RMDN2: variants seen among roughly 807,000 people sequenced by gnomAD.
RMDN2 encodes regulator of microtubule dynamics protein 2.
A neutral mutation model predicts 52.8 loss-of-function variants in RMDN2; 61 were observed. That is an observed-to-expected ratio of 1.16 (90% confidence interval 0.94 to 1.43). The LOEUF (loss-of-function observed/expected upper bound fraction) is 1.43. RMDN2 is among the 40% of genes most tolerant of loss of function. The pLI is 0.00. For missense variants in RMDN2, 592 were observed against 475.3 expected (o/e 1.25, Z -2.28); for synonymous variants, 180 against 153.1 (o/e 1.18, Z -1.30).
intron 1 of RMDN2, among the ~76,000 whole-genome samples, chr2:37,927,957 G>T: frequency 6.6e-6 from 1 of 152,104 alleles, no homozygotes; most frequent in South Asian, 2.1e-4. Context: ...TACCAATTAG[G>T]TGAAAAAAAA....
intron 10 of RMDN2, among the ~76,000 whole-genome samples, chr2:38,060,924 A>T (rs550718669): frequency 1.5e-3 from 234 of 152,316 alleles, no homozygotes; most frequent in African/African-American, 5.4e-3. Flanking sequence ...ATCTTTTTCA[A>T]TCAGATATAA....
At chr2:38,000,411 T>A (rs532174701) in intron 8 of RMDN2, among the ~76,000 whole-genome samples, 1 of 152,240 alleles carries the variant, frequency 6.6e-6, no homozygotes, top group South Asian at 2.1e-4. Flanking sequence ...GACAAACTTA[T>A]ATACCTATGT....
chr2:37,952,104 C>T (rs762682722), intron 2 of RMDN2: 1 of 1,613,160 alleles, frequency 6.2e-7, no homozygotes, highest in Non-Finnish European at 8.5e-7. Flanking sequence ...TATCCCACCT[C>T]AAAGCGAATT....
At chr2:37,959,767 G>C (rs1487426163) in intron 2 of RMDN2, among the ~76,000 whole-genome samples, 1 of 150,826 alleles carries the variant, frequency 6.6e-6, no homozygotes, top group Non-Finnish European at 1.5e-5. Flanking sequence ...GATCTTTTCT[G>C]CTTTCTCCTG....
At chr2:37,996,470 AACT>A (rs1340689477) in intron 7 of RMDN2, among the ~76,000 whole-genome samples, 2 of 151,976 alleles carry the variant, frequency 1.3e-5, no homozygotes, top group African/African-American at 4.8e-5. Context: ...CTGTAGTTCC[AACT>A]GTTCAGGAGG....
intron 5 of RMDN2, among the ~76,000 whole-genome samples, chr2:37,981,843 C>T (rs1673361428): frequency 6.6e-6 from 1 of 151,808 alleles, no homozygotes; most frequent in Non-Finnish European, 1.5e-5. Context: ...AAAAATCATT[C>T]TTAATTGTGT....
At chr2:38,011,816 G>C (rs946092636) in intron 10 of RMDN2, among the ~76,000 whole-genome samples, 1 of 152,174 alleles carries the variant, frequency 6.6e-6, no homozygotes, top group African/African-American at 2.4e-5. Flanking sequence ...ACAAAAGTGA[G>C]AGAGCAAAGC....
intron 2 of RMDN2, among the ~76,000 whole-genome samples, chr2:37,968,766 G>A (rs1173917768): frequency 2.6e-5 from 4 of 152,178 alleles, no homozygotes; most frequent in African/African-American, 4.8e-5. Context: ...GACATCTTAA[G>A]ATGAACTTCT....
At chr2:37,982,056 T>C (rs538106439) in intron 5 of RMDN2, among the ~76,000 whole-genome samples, 38 of 152,150 alleles carry the variant, frequency 2.5e-4, no homozygotes, top group Non-Finnish European at 4.9e-4. Context: ...CAATAATAAA[T>C]GTATGACCCT....
At chr2:37,954,584 A>G (rs991668004) in intron 2 of RMDN2, among the ~76,000 whole-genome samples, 2 of 152,052 alleles carry the variant, frequency 1.3e-5, no homozygotes, top group African/African-American at 4.8e-5. Context: ...ACACTGTACC[A>G]TACTGTTTTG....
chr2:37,994,354 A>C (rs886554543), intron 7 of RMDN2, among the ~76,000 whole-genome samples: 2 of 152,368 alleles, frequency 1.3e-5, no homozygotes, highest in African/African-American at 4.8e-5. Context: ...GTAACAGGAC[A>C]AGCTAGAAAT....
At chr2:38,024,644 A>G (rs1679642243) in intron 10 of RMDN2, among the ~76,000 whole-genome samples, 1 of 152,146 alleles carries the variant, frequency 6.6e-6, no homozygotes, top group South Asian at 2.1e-4. Context: ...GTTTTTGTAT[A>G]TAGTTTGGAG....
chr2:37,988,894 T>G (rs1674394306), intron 5 of RMDN2, among the ~76,000 whole-genome samples: 1 of 152,180 alleles, frequency 6.6e-6, no homozygotes, highest in South Asian at 2.1e-4. Context: ...AATTTTTGTA[T>G]TCTCAGTGGA....
chr2:37,948,181 C>A (rs1668383048), intron 2 of RMDN2, among the ~76,000 whole-genome samples: 1 of 152,164 alleles, frequency 6.6e-6, no homozygotes. Context: ...TACCCCGGAC[C>A]TAGCGAATCA....
chr2:38,000,125 G>A (rs1676116019), intron 8 of RMDN2, among the ~76,000 whole-genome samples: 1 of 152,158 alleles, frequency 6.6e-6, no homozygotes, highest in Admixed American at 6.5e-5. Context: ...AGCATCTAGG[G>A]AGGTGGTTTA....
chr2:38,067,030 A>T, exon 11 of RMDN2: 1 of 1,609,482 alleles, frequency 6.2e-7, no homozygotes, highest in Non-Finnish European at 8.5e-7. Context: ...AAGCCCTGTC[A>T]TCTGTGAGTG....
At chr2:37,926,892 T>C (rs904707494) in intron 1 of RMDN2, among the ~76,000 whole-genome samples, 18 of 151,928 alleles carry the variant, frequency 1.2e-4, no homozygotes, top group African/African-American at 3.9e-4. Context: ...GCAGTGATTG[T>C]ACCACTGCAC....
rs1225352717 is a variant in RMDN2, at chr2:37,950,735, C to T, written c.452+21006C>T. On this transcript the variant is annotated intron_variant, in intron 2 of 10. Coordinates refer to ENST00000354545, the MANE Select transcript of RMDN2 (RefSeq NM_001170791.3). The stretch of plus-strand genomic sequence containing the variant: ...AGATATTCACTTGAAACATTCTCCC[C>T]AGAGAGATTGTGCTTCATCCATGGT... 1.1e-5 allele frequency: 9 copies of T among 826,588 alleles called. No individual in the cohort carries two copies. In the East Asian group the frequency reaches 1.3e-4, roughly 12 times the overall value. 51.2% of individuals were successfully genotyped at this position (826,588 alleles called of 1,614,324 possible).
chr2:37,958,086 C>G (rs1189161555), intron 2 of RMDN2, among the ~76,000 whole-genome samples: 1 of 152,126 alleles, frequency 6.6e-6, no homozygotes, highest in Non-Finnish European at 1.5e-5. Context: ...TGTGATGCCT[C>G]CAGCTTTGTT....
Sources: allele counts gnomAD v4.1 joint callset (sites outside exome capture counted in the v4.1 genomes callset), GRCh38; gene constraint gnomAD v4.1.1; transcripts MANE v1.5; gene names NCBI Gene and HGNC (gene_info 2026-07-23, HGNC 2026-07-21).